The following ATP2C1 variants were observed in gnomAD, a reference collection of about 807,000 sequenced individuals.
ATP2C1 encodes calcium-transporting ATPase type 2C member 1.
In ATP2C1, 31 loss-of-function variants were observed where a neutral mutation model predicts 120.5. That is an observed-to-expected ratio of 0.26 (90% CI 0.19 to 0.35). The LOEUF (loss-of-function observed/expected upper bound fraction) is 0.35. Among genes scored for constraint, ATP2C1 ranks in the 10% least tolerant of loss-of-function variants. ATP2C1 has a pLI of 1.00. For missense variants in ATP2C1, 731 were observed against 1,107.5 expected (o/e 0.66, Z 4.83); for synonymous variants, 351 against 358.7 (o/e 0.98, Z 0.24).
At chr3:130,917,718 T>C (rs1210929347) in intron 2 of ATP2C1, among the ~76,000 whole-genome samples, 2 of 152,236 alleles carry the variant, frequency 1.3e-5, no homozygotes, top group African/African-American at 4.8e-5. Flanking sequence ...TATTGTTGGC[T>C]ATAGGTACAA....
Position 130,964,161 on chromosome 3 carries a change from CAG to C in ATP2C1, c.1024+69_1024+70del, listed in dbSNP as rs1301682886. On this transcript the variant is annotated intron_variant, in intron 13 of 27. Transcript: ENST00000510168. Reference sequence around the variant, plus strand: ...AGTTTATGTCAATAGTGAATCATCTCAGAGTTTTACAGTTTTTATCTTAGAGA... The same window carrying C: ...AGTTTATGTCAATAGTGAATCATCTCAGTTTTACAGTTTTTATCTTAGAGA... 29 of 1,590,488 alleles carry C rather than the reference CAG, an allele frequency of 1.8e-5. No individual in the cohort carries two copies. In the Admixed American group the frequency reaches 4.9e-4, roughly 27 times the overall value.
chr3:130,884,930 C>CTTTTTTTTT (rs35931105), intron 1 of ATP2C1, among the ~76,000 whole-genome samples: 41 of 120,812 alleles, frequency 3.4e-4, no homozygotes, highest in African/African-American at 4.7e-4. Context: ...TCTTTTCTTT[C>CTTTTTTTTT]TTTTTTTTTT....
chr3:131,010,719 G>C (rs931775395), intron 26 of ATP2C1, among the ~76,000 whole-genome samples: 15 of 152,278 alleles, frequency 9.9e-5, no homozygotes, highest in Admixed American at 3.9e-4. Context: ...GGCTGGAGTT[G>C]CTATAATATT....
chr3:130,919,319 G>A (rs1191130827), intron 2 of ATP2C1, among the ~76,000 whole-genome samples: 3 of 151,792 alleles, frequency 2.0e-5, no homozygotes, highest in Non-Finnish European at 2.9e-5. Context: ...CTGCCTCCCA[G>A]GTTCAAGCGA....
chr3:130,993,016 A>C lies in ATP2C1; in HGVS notation c.1890+15A>C. 2 of 1,608,082 alleles carry C rather than the reference A, an allele frequency of 1.2e-6. No homozygotes were observed. The highest frequency in any genetic ancestry group is 1.7e-6 in the Non-Finnish European group (2 of 1,174,852). On this transcript the variant is annotated intron_variant, in intron 21 of 27. Transcript: ENST00000510168. ...AAATTATTAAGGTGAGTGTGTAAGA[A>C]TCAGATTGTTTTATTTCTGTATACA...
Position 130,993,923 on chromosome 3 carries a change from C to G in ATP2C1, c.1891-9C>G. 6.2e-7 allele frequency: 1 copy of G among 1,614,054 alleles called. No homozygotes were observed. Among genetic ancestry groups the G allele is most frequent in the Non-Finnish European group, 8.5e-7 (1 of 1,179,968 alleles). ...TCCTTCCTCTCCCCTGTCCTCTGCT[C>G]CACTCTAGTCGCTACAGAAGAACGG... On this transcript the variant is annotated splice_polypyrimidine_tract_variant and intron_variant, in intron 21 of 27. Coordinates refer to ENST00000510168, the MANE Select transcript of ATP2C1 (RefSeq NM_001378687.1).
chr3:130,851,451 G>C (rs963329482), intron 1 of ATP2C1, among the ~76,000 whole-genome samples: 9 of 152,188 alleles, frequency 5.9e-5, no homozygotes, highest in African/African-American at 2.2e-4. Flanking sequence ...AGGAGGTAGA[G>C]CACTGCCATA....
intron 11 of ATP2C1, among the ~76,000 whole-genome samples, chr3:130,959,061 C>T (rs2060703181): frequency 6.6e-6 from 1 of 151,928 alleles, no homozygotes; most frequent in African/African-American, 2.4e-5. Flanking sequence ...TGTGTGTGTG[C>T]ACACATGTAC....
At chr3:130,850,898 G>T in exon 1 of ATP2C1, 1 of 1,420,396 alleles carries the variant, frequency 7.0e-7, no homozygotes. Context: ...GATATTTATC[G>T]ACGCTGAGAA....
At chr3:130,978,836 G>A (rs879657972) in intron 18 of ATP2C1, among the ~76,000 whole-genome samples, 2 of 152,170 alleles carry the variant, frequency 1.3e-5, no homozygotes, top group African/African-American at 4.8e-5. Context: ...ATGAAGATCC[G>A]TTAGAAGCCA....
intron 20 of ATP2C1, among the ~76,000 whole-genome samples, chr3:130,990,502 A>G (rs142073352): frequency 2.6e-5 from 4 of 152,280 alleles, no homozygotes; most frequent in African/African-American, 9.6e-5. Flanking sequence ...TCAGGAAAAG[A>G]TTAATGATAG....
intron 26 of ATP2C1, among the ~76,000 whole-genome samples, chr3:130,998,590 C>T (rs557724277): frequency 6.6e-6 from 1 of 152,300 alleles, no homozygotes; most frequent in African/African-American, 2.4e-5. Context: ...AGCTTTATGT[C>T]TGACTAGAAC....
intron 17 of ATP2C1, 65 bp downstream of exon 17, chr3:130,969,461 G>C: frequency 7.8e-7 from 1 of 1,278,926 alleles, no homozygotes; most frequent in Non-Finnish European, 1.1e-6. Flanking sequence ...TTCATTTACT[G>C]TCCACCTTTG....
At chr3:130,875,904 G>T (rs1439736203) in intron 1 of ATP2C1, among the ~76,000 whole-genome samples, 18 of 149,066 alleles carry the variant, frequency 1.2e-4, no homozygotes, top group African/African-American at 3.0e-4. Context: ...TTATGTACTT[G>T]TTGGCCATTT....
intron 26 of ATP2C1, chr3:131,015,970 TC>T: frequency 1.3e-6 from 1 of 799,234 alleles, no homozygotes; most frequent in Non-Finnish European, 2.1e-6. Context: ...TTAATATTTT[TC>T]CCGTTTCCAG....
upstream of ATP2C1, chr3:130,894,034 G>A: frequency 1.0e-6 from 1 of 986,580 alleles, no homozygotes; most frequent in Non-Finnish European, 1.2e-6. The surrounding 1 kb of genome is among the most constrained non-coding windows in gnomAD (Gnocchi z 4.5). Context: ...GGGCGCGACT[G>A]GGCGGCCGGC....
At chr3:130,870,847 T>C (rs1028719695) in intron 1 of ATP2C1, among the ~76,000 whole-genome samples, 1 of 152,190 alleles carries the variant, frequency 6.6e-6, no homozygotes, top group Non-Finnish European at 1.5e-5. Flanking sequence ...GGTTCTACTA[T>C]GCTACTAAAC....
chr3:131,014,031 A>G (rs1408092369), intron 26 of ATP2C1: 1 of 1,474,366 alleles, frequency 6.8e-7, no homozygotes. Context: ...TATATTAAAT[A>G]CATCTAGTTT....
At chr3:130,876,426 A>G (rs1056692746) in intron 1 of ATP2C1, among the ~76,000 whole-genome samples, 2 of 152,110 alleles carry the variant, frequency 1.3e-5, no homozygotes, top group Non-Finnish European at 2.9e-5. Flanking sequence ...TCTGAAAATT[A>G]GTTGGCTGTA....
Sources: allele counts gnomAD v4.1 joint callset (sites outside exome capture counted in the v4.1 genomes callset), GRCh38; gene constraint gnomAD v4.1.1; non-coding constraint Gnocchi (gnomAD v3.1); transcripts MANE v1.5; gene names NCBI Gene and HGNC (gene_info 2026-07-23, HGNC 2026-07-21).